ZNF638: variants seen among roughly 807,000 people sequenced by gnomAD.
ZNF638 encodes CTCL tumor antigen se33-1.
In ZNF638, 46 loss-of-function variants were observed where a neutral mutation model predicts 195.6. The observed-to-expected ratio is 0.24, with a 90% CI of 0.19 to 0.30. The LOEUF (loss-of-function observed/expected upper bound fraction) is 0.30. Among genes scored for constraint, ZNF638 ranks in the 10% least tolerant of loss-of-function variants. ZNF638 has a pLI of 1.00. For synonymous variants in ZNF638, 845 were observed against 772.0 expected, an observed-to-expected ratio of 1.09 and a Z score of -1.57; for missense variants, 2,440 against 2,325.3, an observed-to-expected ratio of 1.05 and a Z score of -1.01.
chr2:71,358,439 A>G (rs2079058746), intron 3 of ZNF638, among the ~76,000 whole-genome samples: 1 of 152,180 alleles, frequency 6.6e-6, no homozygotes, highest in Non-Finnish European at 1.5e-5. Flanking sequence ...GCCAAAAGCA[A>G]TCAAGAGCTG....
rs760789054 is a variant in ZNF638 at position 71,349,242 on chromosome 2, G to C, written c.288G>C (p.Lys96Asn). The change falls in exon 2 of 28, where the codon AAG becomes AAC. Residue 96 changes from lysine to asparagine, a missense_variant. This residue lies in a region of ZNF638 where 191 missense variants were observed against 173.8 expected (regional missense o/e 1.10). Transcript: ENST00000264447. ...KLDFHEAQQK[K>N]GKPHGSRWDD... ...ATTTTCATGAAGCACAACAGAAGAA[G>C]GGGAAGCCTCATGGTAGCCGGTGGG... 1.2e-6 allele frequency: 2 copies of C among 1,614,160 alleles called. No homozygotes were observed. Among genetic ancestry groups the C allele is most frequent in the Non-Finnish European group, 1.7e-6 (2 of 1,180,032 alleles).
At chr2:71,340,084 TTG>T (rs2078738993) in intron 1 of ZNF638, among the ~76,000 whole-genome samples, 2 of 152,240 alleles carry the variant, frequency 1.3e-5, no homozygotes, top group African/African-American at 4.8e-5. Context: ...TCTCTTAACA[TTG>T]TGCATTAGCA....
intron 27 of ZNF638, among the ~76,000 whole-genome samples, chr2:71,433,801 C>T (rs562500974): frequency 6.6e-6 from 1 of 152,312 alleles, no homozygotes; most frequent in South Asian, 2.1e-4. Flanking sequence ...ATTTGTGGCA[C>T]AGACACTCAT....
At chr2:71,411,472 T>TG (rs763923367) in intron 20 of ZNF638, among the ~76,000 whole-genome samples, 6,442 of 88,460 alleles carry the variant, frequency 0.073, 207 homozygotes, top group Non-Finnish European at 0.11. Context: ...TTTTTATTTT[T>TG]AATTTTTTTT....
In ZNF638 at chr2:71,349,055, C is replaced by G. The variant is rs141395815; in HGVS notation, c.101C>G (p.Pro34Arg). The G allele has an allele frequency of 6.2e-7, 1 of 1,614,168 alleles. No homozygotes were observed. The highest frequency in any genetic ancestry group is 1.7e-5 in the Admixed American group (1 of 60,022). Residue 34 changes from proline to arginine, a missense_variant, in exon 2 of 28, where the codon CCT becomes CGT. Physicochemically the swap from Pro to Arg is moderately radical, Grantham distance 103. Coordinates refer to ENST00000264447, the MANE Select transcript of ZNF638 (RefSeq NM_014497.5). ...GMRPPGPFMR[P>R]GSMGLPRFYP... is the part of the protein sequence containing the mutation. ...AGGCCTCCAGGACCATTTATGAGGC[C>G]TGGATCTATGGGTCTCCCAAGATTT...
chr2:71,387,553 C>T (rs1278719779), intron 10 of ZNF638, among the ~76,000 whole-genome samples: 2 of 151,950 alleles, frequency 1.3e-5, no homozygotes, highest in East Asian at 3.9e-4. Flanking sequence ...CTCCTGTAGA[C>T]CCAGGTACTC....
chr2:71,398,682 T>C lies in ZNF638; in HGVS notation c.2429-19T>C, dbSNP rs368080995. The C allele has an allele frequency of 5.2e-5, 83 of 1,610,260 alleles. No individual in the cohort carries two copies. The African/African-American group carries it at 1.1e-3, about 21-fold the overall frequency. On this transcript the variant is annotated intron_variant, in intron 11 of 27. Coordinates refer to ENST00000264447, the MANE Select transcript of ZNF638 (RefSeq NM_014497.5). ...ACTAGTTAAGTAAACCAGTTTTGAC[T>C]GCATCTTTTGTGATTTAGGGAAATC... is the stretch of plus-strand genomic sequence containing the variant.
intron 3 of ZNF638, among the ~76,000 whole-genome samples, chr2:71,357,756 C>T (rs566089093): frequency 6.6e-6 from 1 of 151,942 alleles, no homozygotes; most frequent in Non-Finnish European, 1.5e-5. Flanking sequence ...ATTTTTTAAC[C>T]ATATCCAGTG....
chr2:71,388,617 G>A (rs532587187), intron 10 of ZNF638: 3 of 803,972 alleles, frequency 3.7e-6, no homozygotes, highest in Non-Finnish European at 6.8e-6. Flanking sequence ...TCCGTCGCTC[G>A]GCCAGAGTCG....
intron 1 of ZNF638, chr2:71,341,626 A>C (rs2078763038): frequency 2.0e-5 from 3 of 152,202 alleles, no homozygotes; most frequent in Admixed American, 2.0e-4. Flanking sequence ...CATTTATTTT[A>C]AAGGGTTAAT....
At position 71,403,910 on chromosome 2, in the gene ZNF638, T is replaced by C. The variant is rs2080054181; in HGVS notation, c.2870T>C (p.Val957Ala). The change falls in exon 17 of 28, where the codon GTA becomes GCA. Residue 957 changes from valine (V) to alanine (A), a missense_variant. Val to Ala is a moderately conservative substitution (Grantham distance 64). Coordinates refer to ENST00000264447, the MANE Select transcript of ZNF638 (RefSeq NM_014497.5). ...EINRKAAESM[V>A]KFYTCFPVLM... is the part of the protein sequence containing the mutation. ...AATAGAAAAGCTGCTGAGTCTATGG[T>C]AAAATTTTATACCTGCTTCCCAGTA... The C allele has an allele frequency of 1.9e-6, 3 of 1,605,442 alleles. No individual in the cohort carries two copies. Among genetic ancestry groups the C allele is most frequent in the Non-Finnish European group, 2.6e-6 (3 of 1,172,822 alleles).
At chr2:71,429,378 C>G (rs1413394013) in intron 25 of ZNF638, among the ~76,000 whole-genome samples, 6 of 152,166 alleles carry the variant, frequency 3.9e-5, no homozygotes, top group Non-Finnish European at 8.8e-5. Context: ...GGTCTCCTTC[C>G]TTTACTATTT....
At chr2:71,391,755 T>A (rs2079783377) in intron 10 of ZNF638, among the ~76,000 whole-genome samples, 1 of 152,184 alleles carries the variant, frequency 6.6e-6, no homozygotes, top group African/African-American at 2.4e-5. Flanking sequence ...TAACTACTGA[T>A]AAATTACAGA....
chr2:71,364,765 A>G (rs2079166351), intron 5 of ZNF638, among the ~76,000 whole-genome samples: 1 of 152,230 alleles, frequency 6.6e-6, no homozygotes, highest in Non-Finnish European at 1.5e-5. Flanking sequence ...ATAGTCTAAA[A>G]TGCTGAATTC....
intron 1 of ZNF638, among the ~76,000 whole-genome samples, chr2:71,332,160 C>T (rs982507317): frequency 2.0e-5 from 3 of 152,240 alleles, no homozygotes; most frequent in Non-Finnish European, 2.9e-5. Flanking sequence ...GAAGAGCTGC[C>T]TGACGCCGTT....
intron 10 of ZNF638, chr2:71,393,387 C>T (rs767464585): frequency 2.8e-6 from 2 of 717,876 alleles, no homozygotes; most frequent in Non-Finnish European, 5.2e-6. Flanking sequence ...GTTCACACCC[C>T]CCTCAGGCCC....
At chr2:71,344,467 C>T (rs535698427) in intron 1 of ZNF638, among the ~76,000 whole-genome samples, 1 of 152,258 alleles carries the variant, frequency 6.6e-6, no homozygotes, top group East Asian at 1.9e-4. Context: ...GAGATACTAG[C>T]TCCATCTTAA....
Position 71,423,780 on chromosome 2 carries a change from C to G in ZNF638, c.4266C>G (p.Pro1422=). The G allele has an allele frequency of 6.2e-7, 1 of 1,613,918 alleles. No individual in the cohort carries two copies. Among genetic ancestry groups the G allele is most frequent in the Non-Finnish European group, 8.5e-7 (1 of 1,179,988 alleles). Residue 1422 remains proline, a synonymous_variant, in exon 22 of 28, where the codon CCC becomes CCG. Transcript: ENST00000264447. The part of the protein sequence containing the change: ...ENQKSFPKSV[P]RDQINAEKKL... ...AGAAAAGTTTTCCAAAATCTGTGCCCAGAGATCAAATAAATGCTGAAAAGA... is the reference window on the plus strand; with the variant it reads ...AGAAAAGTTTTCCAAAATCTGTGCCGAGAGATCAAATAAATGCTGAAAAGA...
At chr2:71,410,768 C>T (rs1199556500) in intron 20 of ZNF638, among the ~76,000 whole-genome samples, 1 of 151,958 alleles carries the variant, frequency 6.6e-6, no homozygotes, top group Non-Finnish European at 1.5e-5. Context: ...ATTTGAGAGA[C>T]CTGATGGAAG....
Sources: gnomAD v4.1 joint callset for allele counts (sites outside exome capture counted in the v4.1 genomes callset) on GRCh38, gnomAD v4.1.1 for gene constraint, gnomAD v4.1.1 regional missense constraint, MANE v1.5 for transcripts, NCBI Gene and HGNC (gene_info 2026-07-23, HGNC 2026-07-21) for gene names.